The following RAB31 variants were observed in gnomAD, a reference collection of about 807,000 sequenced individuals.
RAB31 encodes RAB31, member RAS oncogene family, also known as ras-related protein Rab-31.
In RAB31, 21 loss-of-function variants were observed where a neutral mutation model predicts 25.6. That is an observed-to-expected ratio of 0.82 (90% confidence interval 0.58 to 1.18). The LOEUF (loss-of-function observed/expected upper bound fraction) is 1.18, where lower values mean the gene tolerates loss of function less well. Ranked by LOEUF, RAB31 falls within the 50% of genes most tolerant of loss-of-function variation. RAB31 has a pLI of 0.00. For missense variants in RAB31, 196 were observed against 250.1 expected (o/e 0.78, Z 1.46); for synonymous variants, 87 against 84.0 (o/e 1.04, Z -0.20).
At chr18:9,711,766 T>A (rs1052107017) in intron 1 of RAB31, among the ~76,000 whole-genome samples, 1 of 152,250 alleles carries the variant, frequency 6.6e-6, no homozygotes, top group African/African-American at 2.4e-5. Flanking sequence ...TCTTTCTGCC[T>A]GTTAGAATCA....
chr18:9,737,700 G>T (rs112380262), intron 1 of RAB31, among the ~76,000 whole-genome samples: 8 of 152,306 alleles, frequency 5.3e-5, no homozygotes, highest in African/African-American at 1.9e-4. Flanking sequence ...ATTGGTAAAA[G>T]GTTGTCACGA....
chr18:9,765,190 T>A (rs1335854471), intron 1 of RAB31, among the ~76,000 whole-genome samples: 1 of 152,222 alleles, frequency 6.6e-6, no homozygotes, highest in East Asian at 1.9e-4. Context: ...TGGCCTCAAA[T>A]GATCTGACCC....
intron 1 of RAB31, among the ~76,000 whole-genome samples, chr18:9,755,606 C>T: frequency 6.6e-6 from 1 of 152,194 alleles, no homozygotes. Context: ...TCTTCTTGGG[C>T]TGGGGAACAG....
intron 3 of RAB31, among the ~76,000 whole-genome samples, chr18:9,801,402 C>G (rs1239175730): frequency 6.6e-6 from 1 of 152,040 alleles, no homozygotes; most frequent in African/African-American, 2.4e-5. Context: ...CTGCCTCAAC[C>G]TCCCCAGTAG....
intron 1 of RAB31, among the ~76,000 whole-genome samples, chr18:9,761,909 C>T (rs534178158): frequency 5.3e-5 from 8 of 152,276 alleles, no homozygotes; most frequent in Admixed American, 2.0e-4. Flanking sequence ...CGGGTTCAAA[C>T]GATTCTCGTG....
chr18:9,780,284 T>C (rs1374075117), intron 2 of RAB31, among the ~76,000 whole-genome samples: 5 of 152,208 alleles, frequency 3.3e-5, no homozygotes, highest in Non-Finnish European at 7.3e-5. Context: ...CTCTGTGTTT[T>C]CTACTTAATA....
intron 5 of RAB31, among the ~76,000 whole-genome samples, chr18:9,843,320 G>A (rs770422868): frequency 3.3e-5 from 5 of 152,082 alleles, no homozygotes; most frequent in African/African-American, 4.8e-5. Context: ...TGAGGCAGGC[G>A]GATTACTTGA....
intron 2 of RAB31, among the ~76,000 whole-genome samples, chr18:9,781,541 T>G (rs1243817466): frequency 6.6e-6 from 1 of 152,162 alleles, no homozygotes; most frequent in African/African-American, 2.4e-5. Flanking sequence ...TCGAGCTCCT[T>G]ACCTCAGCTG....
intron 6 of RAB31, among the ~76,000 whole-genome samples, chr18:9,855,801 G>A (rs749046203): frequency 6.6e-6 from 1 of 152,078 alleles, no homozygotes; most frequent in Non-Finnish European, 1.5e-5. Context: ...AGATGAGATG[G>A]GTCCCGGTCC....
chr18:9,714,761 T>C lies in RAB31; in HGVS notation c.39+6317T>C, dbSNP rs146231585. 2.6e-3 allele frequency among the ~76,000 whole-genome samples: 402 copies of C among 152,332 alleles called. 1 individual carries two copies. Among genetic ancestry groups the C allele is most frequent in the African/African-American group, 9.3e-3 (387 of 41,578 alleles). ...ATGCTGGGAGCTGTGGGTGGCTGCA[T>C]GTAGACAGGATGGCAGTGATTGTTG... is the stretch of plus-strand genomic sequence containing the variant. On this transcript the variant is annotated intron_variant, in intron 1 of 6. Transcript: ENST00000578921.
chr18:9,712,554 A>T (rs545214938), intron 1 of RAB31, among the ~76,000 whole-genome samples: 2 of 152,262 alleles, frequency 1.3e-5, no homozygotes, highest in African/African-American at 2.4e-5. Flanking sequence ...AATACTTAAC[A>T]AAAACAACAC....
At chr18:9,756,349 A>T (rs1233378691) in intron 1 of RAB31, among the ~76,000 whole-genome samples, 2 of 152,236 alleles carry the variant, frequency 1.3e-5, no homozygotes, top group Non-Finnish European at 2.9e-5. Flanking sequence ...GGCAGACTGT[A>T]ATATCCCCAG....
At chr18:9,710,917 C>CCT in intron 1 of RAB31, among the ~76,000 whole-genome samples, 1 of 144,976 alleles carries the variant, frequency 6.9e-6, no homozygotes, top group South Asian at 2.2e-4. Flanking sequence ...TTGTGGCTTC[C>CCT]TTTTTTTTTT....
intron 1 of RAB31, among the ~76,000 whole-genome samples, chr18:9,711,567 G>T (rs9947855): frequency 0.054 from 8,241 of 152,196 alleles, 792 homozygotes; most frequent in African/African-American, 0.18. Flanking sequence ...GTAGAGATGG[G>T]GTCTCCCTAT....
At chr18:9,769,159 G>A (rs2068331323) in intron 1 of RAB31, among the ~76,000 whole-genome samples, 1 of 152,152 alleles carries the variant, frequency 6.6e-6, no homozygotes, top group Admixed American at 6.6e-5. Context: ...TTTTGCTTAG[G>A]ATTGTCTTGG....
intron 5 of RAB31, among the ~76,000 whole-genome samples, chr18:9,843,902 A>G (rs2068747341): frequency 6.6e-6 from 1 of 152,148 alleles, no homozygotes; most frequent in Non-Finnish European, 1.5e-5. Flanking sequence ...GTCCCATAGG[A>G]ATTTGAATGC....
rs1045494502 is a variant in RAB31, at chr18:9,785,299, A to T, written c.120-6855A>T. The T allele has an allele frequency of 3.9e-5, 6 of 153,206 alleles. No individual in the cohort carries two copies. The Admixed American group carries it at 3.9e-4, about 10-fold the overall frequency. The allele number at this position is 153,206 out of a possible 1,614,324, so 9.5% of individuals were successfully genotyped here. ...ATCTTCTTGGTGGAGCAAGGGAAAG[A>T]CCACTGGACAGTGGAGAGTCAAGTG... On this transcript the variant is annotated intron_variant, in intron 2 of 6. Transcript: ENST00000578921.
At chr18:9,728,681 G>A (rs1168805130) in intron 1 of RAB31, among the ~76,000 whole-genome samples, 13 of 152,004 alleles carry the variant, frequency 8.6e-5, no homozygotes, top group Admixed American at 8.5e-4. Context: ...GGGATTACAG[G>A]TGTTTGCCAC....
rs868309221 is a variant in RAB31, at chr18:9,719,326, T to A, written c.39+10882T>A. Among the ~76,000 whole-genome samples, 172 of 63,380 alleles carry A rather than the reference T, an allele frequency of 2.7e-3. 2 individuals are homozygous for A. The highest frequency in any genetic ancestry group is 0.01 in the African/African-American group (154 of 14,766). The allele number at this position is 63,380 out of a possible 152,430, so 41.6% of individuals were successfully genotyped here. A position where few individuals can be genotyped will look rare whatever the true frequency, so the allele number is the denominator to read the frequency against. ...ATATATATATATATATATATATATA[T>A]ATAAATAAATAAATTTGATCTAATT... is the stretch of plus-strand genomic sequence containing the variant. On this transcript the variant is annotated intron_variant, in intron 1 of 6. Coordinates refer to ENST00000578921, the MANE Select transcript of RAB31 (RefSeq NM_006868.4).
Sources: gnomAD v4.1 joint callset for allele counts (sites outside exome capture counted in the v4.1 genomes callset) on GRCh38, gnomAD v4.1.1 for gene constraint, MANE v1.5 for transcripts, NCBI Gene and HGNC (gene_info 2026-07-23, HGNC 2026-07-21) for gene names.